SLC17A6: variants seen among roughly 807,000 people sequenced by gnomAD.
SLC17A6 encodes vesicular glutamate transporter 2.
In SLC17A6, 35 loss-of-function variants were observed where a neutral mutation model predicts 67.1. The observed-to-expected ratio is 0.52, with a 90% CI of 0.40 to 0.69. The LOEUF (loss-of-function observed/expected upper bound fraction) is 0.69, where lower values mean the gene tolerates loss of function less well. Among genes scored for constraint, SLC17A6 ranks in the 30% least tolerant of loss-of-function variants. SLC17A6 has a pLI of 0.00. For missense variants in SLC17A6, 588 were observed against 723.9 expected (o/e 0.81, Z 2.15); for synonymous variants, 285 against 252.3 (o/e 1.13, Z -1.23).
At chr11:22,350,979 AACTT>A (rs899249927) in intron 3 of SLC17A6, among the ~76,000 whole-genome samples, 118 of 152,246 alleles carry the variant, frequency 7.8e-4, no homozygotes, top group Admixed American at 3.5e-3. Context: ...TATTATATAA[AACTT>A]ACTTTTACAA....
At chr11:22,372,743 A>G (rs1017898568) in intron 8 of SLC17A6, among the ~76,000 whole-genome samples, 1 of 152,186 alleles carries the variant, frequency 6.6e-6, no homozygotes, top group Admixed American at 6.5e-5. Flanking sequence ...TATAAGCTCA[A>G]AAACATTTAT....
intron 3 of SLC17A6, among the ~76,000 whole-genome samples, chr11:22,354,114 G>C (rs935119485): frequency 6.7e-6 from 1 of 149,676 alleles, no homozygotes; most frequent in Non-Finnish European, 1.5e-5. Context: ...ACAGAGTTTT[G>C]CTCTTGTTGC....
intron 1 of SLC17A6, among the ~76,000 whole-genome samples, chr11:22,339,081 T>A (rs936987742): frequency 8.9e-6 from 1 of 112,436 alleles, no homozygotes; most frequent in Non-Finnish European, 1.8e-5. Context: ...ATATATGTTA[T>A]ATATATATGT....
chr11:22,341,478 G>T (rs769891240), intron 1 of SLC17A6, 50 bp from the exon 2 acceptor site: 1 of 1,594,164 alleles, frequency 6.3e-7, no homozygotes. Flanking sequence ...GTCAGCATCG[G>T]GGGTACCTAA....
chr11:22,348,502 G>T (rs911542877), intron 3 of SLC17A6, among the ~76,000 whole-genome samples: 4 of 152,160 alleles, frequency 2.6e-5, no homozygotes, highest in Non-Finnish European at 5.9e-5. Flanking sequence ...CTAAGATGAA[G>T]AATCTGATAT....
intron 4 of SLC17A6, among the ~76,000 whole-genome samples, chr11:22,360,028 C>T (rs975438014): frequency 1.3e-5 from 2 of 151,894 alleles, no homozygotes; most frequent in African/African-American, 4.8e-5. Flanking sequence ...CACTTAAAAA[C>T]TCGAGTTCGG....
At chr11:22,369,725 T>C (rs940236840) in intron 7 of SLC17A6, among the ~76,000 whole-genome samples, 2 of 151,198 alleles carry the variant, frequency 1.3e-5, no homozygotes, top group Admixed American at 6.6e-5. Flanking sequence ...ATAAAACAAA[T>C]GGAAAAAAAA....
In SLC17A6 at chr11:22,344,702, T is replaced by C. The variant is rs191667525; in HGVS notation, c.458+1337T>C. Among the ~76,000 whole-genome samples the C allele has an allele frequency of 3.4e-3, 513 of 152,334 alleles. 1 individual carries two copies. The highest frequency in any genetic ancestry group is 0.012 in the African/African-American group (480 of 41,582). ...ATATGTACCACATTTTATTTATCCA[T>C]TCATCTGCTGATGGACACTTGATGA... On this transcript the variant is annotated intron_variant, in intron 3 of 11. Coordinates refer to ENST00000263160, the MANE Select transcript of SLC17A6 (RefSeq NM_020346.3).
chr11:22,348,771 T>A (rs1315457293), intron 3 of SLC17A6, among the ~76,000 whole-genome samples: 1 of 152,232 alleles, frequency 6.6e-6, no homozygotes, highest in East Asian at 1.9e-4. Flanking sequence ...AGTGTACATT[T>A]GTATTTATAA....
At chr11:22,371,995 A>G (rs1358113739) in intron 8 of SLC17A6, among the ~76,000 whole-genome samples, 1 of 152,054 alleles carries the variant, frequency 6.6e-6, no homozygotes, top group Non-Finnish European at 1.5e-5. Context: ...ATCGGCTTCA[A>G]TTTTCTTATC....
At chr11:22,346,452 G>C (rs1281564389) in intron 3 of SLC17A6, among the ~76,000 whole-genome samples, 1 of 152,056 alleles carries the variant, frequency 6.6e-6, no homozygotes, top group East Asian at 1.9e-4. Context: ...GAGTCAGGAG[G>C]GGAGTAAACC....
At chr11:22,338,819 G>A (rs2133854730) in intron 1 of SLC17A6, among the ~76,000 whole-genome samples, 200 bp downstream of exon 1, 1 of 132,234 alleles carries the variant, frequency 7.6e-6, no homozygotes, top group African/African-American at 3.0e-5. Context: ...TCTGGTGTGT[G>A]TGTGTGTGTG....
intron 11 of SLC17A6, 150 bp from the exon 12 acceptor site, chr11:22,377,255 T>C: frequency 1.8e-6 from 1 of 569,690 alleles, no homozygotes; most frequent in Non-Finnish European, 3.1e-6. Flanking sequence ...TACAGAAGTG[T>C]TATATAGTTT....
chr11:22,371,858 G>T (rs1856178447), intron 8 of SLC17A6, among the ~76,000 whole-genome samples: 1 of 151,940 alleles, frequency 6.6e-6, no homozygotes, highest in African/African-American at 2.4e-5. Flanking sequence ...TGACTTAGCT[G>T]AAAAAATTGT....
In SLC17A6 at chr11:22,341,629, C is replaced by T; in HGVS notation, c.188C>T (p.Thr63Met). 2 of 1,613,946 alleles carry T rather than the reference C, an allele frequency of 1.2e-6. No individual in the cohort carries two copies. The highest frequency in any genetic ancestry group is 2.7e-5 in the African/African-American group (2 of 75,052). ...AGGAAGGCGCCGCTGTGCGACTGCA[C>T]GTGCTTCGGCCTGCCCCGCCGCTAC... Reference protein sequence around the residue: ...PERKAPLCDCTCFGLPRRYII... With the variant: ...PERKAPLCDCMCFGLPRRYII... The change falls in exon 2 of 12, where the codon ACG becomes ATG. Residue 63 changes from threonine (T) to methionine (M), a missense_variant. This residue lies in a region of SLC17A6 where 117 missense variants were observed against 98.7 expected (regional missense o/e 1.19). Transcript: ENST00000263160.
At chr11:22,375,534 G>A (rs910053610) in intron 9 of SLC17A6, among the ~76,000 whole-genome samples, 2 of 151,900 alleles carry the variant, frequency 1.3e-5, no homozygotes, top group Non-Finnish European at 2.9e-5. Flanking sequence ...AGGCTGGAGT[G>A]CGATGGCATG....
chr11:22,341,439 C>T, intron 1 of SLC17A6, 89 bp from the exon 2 acceptor site: 2 of 1,537,200 alleles, frequency 1.3e-6, no homozygotes, highest in Non-Finnish European at 8.7e-7. Flanking sequence ...CTCCTCCCAA[C>T]CCCGACGGGT....
chr11:22,342,005 A>G (rs1263090738), intron 2 of SLC17A6, among the ~76,000 whole-genome samples: 1 of 152,220 alleles, frequency 6.6e-6, no homozygotes, highest in East Asian at 1.9e-4. Flanking sequence ...AGTGGAAAAG[A>G]GGGTCTAGCT....
At chr11:22,339,898 T>C (rs1031402090) in intron 1 of SLC17A6, among the ~76,000 whole-genome samples, 1 of 81,422 alleles carries the variant, frequency 1.2e-5, no homozygotes, top group South Asian at 3.8e-4. Flanking sequence ...ACGAAGCAAA[T>C]GCAGGAAATG....
Sources: gnomAD v4.1 joint callset for allele counts (sites outside exome capture counted in the v4.1 genomes callset) on GRCh38, gnomAD v4.1.1 for gene constraint, gnomAD v4.1.1 regional missense constraint, MANE v1.5 for transcripts, NCBI Gene and HGNC (gene_info 2026-07-23, HGNC 2026-07-21) for gene names.